Variants in ELMO1 observed in about 807,000 individuals in gnomAD.
ELMO1 encodes engulfment and cell motility 1.
ELMO1 carries 26 observed loss-of-function variants against 98.9 expected under a neutral mutation model. The observed-to-expected ratio is 0.26, with a 90% CI of 0.19 to 0.36. The LOEUF (loss-of-function observed/expected upper bound fraction) is 0.36. Ranked by LOEUF, ELMO1 falls within the 10% of genes least tolerant of loss-of-function variation. The pLI, the probability that ELMO1 is intolerant of heterozygous loss-of-function variation, is 1.00. For synonymous variants in ELMO1, 346 were observed against 346.0 expected (o/e 1.00, Z 0.00); for missense variants, 627 against 935.2 (o/e 0.67, Z 4.30).
intron 1 of ELMO1, chr7:37,353,196 C>G (rs1801354466): frequency 6.6e-6 from 1 of 152,196 alleles, no homozygotes; most frequent in Admixed American, 6.5e-5. Flanking sequence ...AAATGGCTTG[C>G]CATTTCCTGA....
At chr7:37,354,085 G>A (rs1198909414) in intron 1 of ELMO1, among the ~76,000 whole-genome samples, 1 of 152,136 alleles carries the variant, frequency 6.6e-6, no homozygotes, top group Non-Finnish European at 1.5e-5. Context: ...TGTCTTCTTA[G>A]GCGCTTACAG....
At chr7:37,387,411 T>C (rs1462621519) in intron 1 of ELMO1, among the ~76,000 whole-genome samples, 1 of 152,222 alleles carries the variant, frequency 6.6e-6, no homozygotes, top group African/African-American at 2.4e-5. Flanking sequence ...CCAATCTTCA[T>C]GCTGTGTTCT....
At chr7:37,123,993 C>T (rs1184167074) in intron 14 of ELMO1, among the ~76,000 whole-genome samples, 1 of 152,136 alleles carries the variant, frequency 6.6e-6, no homozygotes, top group East Asian at 1.9e-4. Context: ...ATATGCAAAT[C>T]CATAAACATA....
intron 16 of ELMO1, among the ~76,000 whole-genome samples, chr7:36,922,235 A>G (rs1472729404): frequency 6.6e-6 from 1 of 151,082 alleles, no homozygotes; most frequent in East Asian, 2.0e-4. Context: ...TACTAAGACT[A>G]TATTTTCTCT....
rs566652730 is a variant in ELMO1 at position 37,428,057 on chromosome 7, G to GTGTA, written c.-74+20617_-74+20618insTACA. Among the ~76,000 whole-genome samples, 22 of 151,352 alleles carry GTGTA rather than the reference G, an allele frequency of 1.5e-4. No homozygotes were observed. The South Asian group carries it at 4.4e-3, about 30-fold the overall frequency. On this transcript the variant is annotated intron_variant, in intron 1 of 21. Transcript: ENST00000310758. ...TGTGTGTGTGTGTGTGTGTGTGTGTGTCTGTGTGTGCACACACACGTTGGA... is the reference window on the plus strand; with the variant it reads ...TGTGTGTGTGTGTGTGTGTGTGTGTGTGTATCTGTGTGTGCACACACACGTTGGA...
chr7:37,128,300 G>A (rs542820650), intron 14 of ELMO1, among the ~76,000 whole-genome samples: 70 of 152,210 alleles, frequency 4.6e-4, no homozygotes, highest in Non-Finnish European at 8.7e-4. Context: ...AATAATGACA[G>A]CAGGCTCATG....
intron 2 of ELMO1, among the ~76,000 whole-genome samples, chr7:37,327,983 G>A (rs1211719884): frequency 6.6e-6 from 1 of 152,142 alleles, no homozygotes; most frequent in Non-Finnish European, 1.5e-5. Flanking sequence ...ATGATACAGT[G>A]TAGCAACAGC....
intron 15 of ELMO1, among the ~76,000 whole-genome samples, chr7:37,095,247 TC>T (rs1441512131): frequency 1.3e-5 from 2 of 151,972 alleles, no homozygotes; most frequent in African/African-American, 4.8e-5. Flanking sequence ...TTCACCAATT[TC>T]CCCCATGAAA....
chr7:37,089,321 A>G (rs1203679542), intron 15 of ELMO1, among the ~76,000 whole-genome samples: 1 of 152,242 alleles, frequency 6.6e-6, no homozygotes, highest in Non-Finnish European at 1.5e-5. Context: ...GAACATTTTC[A>G]TAATGTGTAA....
chr7:36,992,215 C>T (rs1248054605), intron 16 of ELMO1, among the ~76,000 whole-genome samples: 1 of 152,196 alleles, frequency 6.6e-6, no homozygotes, highest in East Asian at 1.9e-4. Flanking sequence ...TTTCTTCCTG[C>T]CTCTTCCAGA....
intron 16 of ELMO1, among the ~76,000 whole-genome samples, chr7:36,947,585 T>C (rs575304166): frequency 6.6e-6 from 1 of 152,222 alleles, no homozygotes; most frequent in East Asian, 1.9e-4. Context: ...GTCCAAAGAG[T>C]TTTCTTTCCA....
chr7:37,161,611 C>G (rs146979777), intron 13 of ELMO1, among the ~76,000 whole-genome samples: 176 of 152,040 alleles, frequency 1.2e-3, no homozygotes, highest in African/African-American at 4.1e-3. Flanking sequence ...GTTTTCCACT[C>G]ATTTATACTT....
At chr7:37,131,226 A>G (rs1472062238) in intron 14 of ELMO1, among the ~76,000 whole-genome samples, 1 of 152,116 alleles carries the variant, frequency 6.6e-6, no homozygotes, top group African/African-American at 2.4e-5. Context: ...AAATTAGGGA[A>G]AGGACACTTC....
intron 16 of ELMO1, among the ~76,000 whole-genome samples, chr7:36,944,746 A>C (rs906430663): frequency 5.9e-5 from 9 of 152,340 alleles, no homozygotes; most frequent in African/African-American, 1.9e-4. Context: ...GAGTGGATGT[A>C]GCCCAGCCTA....
chr7:37,164,182 GTTGT>G (rs1393061314), intron 13 of ELMO1, among the ~76,000 whole-genome samples: 5 of 152,264 alleles, frequency 3.3e-5, no homozygotes, highest in East Asian at 1.9e-4. Context: ...TTTTCATGGG[GTTGT>G]TTGTTATTTC....
intron 19 of ELMO1, among the ~76,000 whole-genome samples, chr7:36,875,619 A>G (rs1417584746): frequency 1.3e-5 from 2 of 152,130 alleles, no homozygotes; most frequent in Non-Finnish European, 2.9e-5. Context: ...CCACTGCGAA[A>G]AGCTGTGTGG....
chr7:37,126,301 AT>A (rs1786515985), intron 14 of ELMO1, among the ~76,000 whole-genome samples: 1 of 11,172 alleles, frequency 9.0e-5, no homozygotes, highest in African/African-American at 1.7e-3. Context: ...TATAATTTAA[AT>A]ATATATATAT....
At chr7:37,067,523 T>C (rs138108605) in intron 15 of ELMO1, among the ~76,000 whole-genome samples, 3 of 152,316 alleles carry the variant, frequency 2.0e-5, no homozygotes, top group East Asian at 3.9e-4. Flanking sequence ...TATTCTACTA[T>C]GTACAGTCAT....
chr7:37,297,761 C>G (rs1157303230), intron 4 of ELMO1, among the ~76,000 whole-genome samples: 2 of 152,168 alleles, frequency 1.3e-5, no homozygotes, highest in African/African-American at 4.8e-5. Flanking sequence ...GACTATGGGC[C>G]AAGTGCCTTG....
Sources: allele counts gnomAD v4.1 joint callset (sites outside exome capture counted in the v4.1 genomes callset), GRCh38; gene constraint gnomAD v4.1.1; transcripts MANE v1.5; gene names NCBI Gene and HGNC (gene_info 2026-07-23, HGNC 2026-07-21).